Variants in LTBP1 observed in about 807,000 individuals in gnomAD.
LTBP1 encodes latent transforming growth factor beta binding protein 1.
In LTBP1, 129 loss-of-function variants were observed where a neutral mutation model predicts 207.6. That is an observed-to-expected ratio of 0.62 (90% confidence interval 0.54 to 0.72). The LOEUF (loss-of-function observed/expected upper bound fraction) is 0.72. LTBP1 is among the 30% of genes least tolerant of loss of function. The pLI is 0.00. For missense variants in LTBP1, 2,281 were observed against 2,217.2 expected (o/e 1.03, Z -0.58); for synonymous variants, 963 against 833.7 (o/e 1.16, Z -2.67).
intron 3 of LTBP1, among the ~76,000 whole-genome samples, chr2:33,046,842 A>G (rs1008327924): frequency 1.3e-5 from 2 of 152,030 alleles, no homozygotes; most frequent in African/African-American, 4.8e-5. Flanking sequence ...TAGTCTTGGG[A>G]GGGTGTATGT....
chr2:33,190,046 T>A (rs996196179), intron 7 of LTBP1, among the ~76,000 whole-genome samples: 4 of 151,898 alleles, frequency 2.6e-5, no homozygotes, highest in African/African-American at 7.3e-5. Context: ...GAAAAAAAAA[T>A]TCATAACTTG....
At chr2:33,119,472 A>G (rs886426902) in intron 4 of LTBP1, among the ~76,000 whole-genome samples, 1 of 152,220 alleles carries the variant, frequency 6.6e-6, no homozygotes, top group African/African-American at 2.4e-5. Context: ...TAGATTCCTT[A>G]TAGAAGAGTC....
chr2:33,326,121 A>G (rs996537378), intron 24 of LTBP1, among the ~76,000 whole-genome samples: 8 of 152,028 alleles, frequency 5.3e-5, no homozygotes, highest in Non-Finnish European at 1.5e-5. Flanking sequence ...AATATATACT[A>G]CTTTTCAGTC....
At chr2:33,398,258 G>C (rs957537762) in intron 33 of LTBP1, 106 bp from the exon 34 acceptor site, 17 of 973,664 alleles carry the variant, frequency 1.7e-5, no homozygotes, top group Non-Finnish European at 2.6e-5. Context: ...TGACGAGAAA[G>C]CTTCCTTGGG....
chr2:33,079,894 C>G (rs183061005), intron 3 of LTBP1, among the ~76,000 whole-genome samples: 11 of 152,202 alleles, frequency 7.2e-5, no homozygotes, highest in Admixed American at 1.3e-4. Context: ...CTTCTTTACT[C>G]CTTTTGACTT....
chr2:33,304,802 C>T (rs1254313548), intron 22 of LTBP1, among the ~76,000 whole-genome samples: 1 of 152,178 alleles, frequency 6.6e-6, no homozygotes, highest in Non-Finnish European at 1.5e-5. Flanking sequence ...GCCCTTTGCT[C>T]TTGGTCATTT....
chr2:32,978,201 C>G (rs1682127934), intron 2 of LTBP1, among the ~76,000 whole-genome samples: 1 of 152,046 alleles, frequency 6.6e-6, no homozygotes, highest in Non-Finnish European at 1.5e-5. Flanking sequence ...TTCGGATGCC[C>G]TTTATTTCTT....
At chr2:33,307,047 G>A (rs537823186) in intron 22 of LTBP1, among the ~76,000 whole-genome samples, 2 of 152,136 alleles carry the variant, frequency 1.3e-5, no homozygotes, top group African/African-American at 2.4e-5. Flanking sequence ...GAGATACACC[G>A]CTGCACTCCA....
intron 2 of LTBP1, among the ~76,000 whole-genome samples, chr2:32,952,714 C>T (rs1290409974): frequency 2.0e-5 from 3 of 152,118 alleles, no homozygotes; most frequent in Non-Finnish European, 2.9e-5. Context: ...TTTTTGCCCC[C>T]GTCTCAGGGT....
chr2:33,263,086 A>T (rs920960484), intron 14 of LTBP1, among the ~76,000 whole-genome samples: 1 of 151,956 alleles, frequency 6.6e-6, no homozygotes, highest in African/African-American at 2.4e-5. Context: ...TTATCATTTG[A>T]TGAACGATCA....
intron 3 of LTBP1, among the ~76,000 whole-genome samples, chr2:33,087,084 C>CTTTTTTTTTTGTTTTTTTTTTTT (rs2078804950): frequency 1.1e-5 from 1 of 89,026 alleles, no homozygotes; most frequent in Non-Finnish European, 2.1e-5. Flanking sequence ...CTCCTTTATG[C>CTTTTTTTTTTGTTTTTTTTTTTT]TTTTTTTTTT....
intron 9 of LTBP1, among the ~76,000 whole-genome samples, chr2:33,223,973 G>A (rs976394223): frequency 2.0e-5 from 3 of 152,120 alleles, no homozygotes; most frequent in African/African-American, 7.2e-5. Flanking sequence ...CAGGAAACTC[G>A]GTGTCGAGGG....
At chr2:33,196,479 G>A (rs977874614) in intron 7 of LTBP1, among the ~76,000 whole-genome samples, 1 of 152,030 alleles carries the variant, frequency 6.6e-6, no homozygotes, top group Admixed American at 6.6e-5. Flanking sequence ...TGAGGCCAAG[G>A]AAGAGAAATT....
At chr2:33,242,148 C>G (rs12623104) in intron 9 of LTBP1, among the ~76,000 whole-genome samples, 23,874 of 151,984 alleles carry the variant, frequency 0.16, 2,274 homozygotes, top group East Asian at 0.24. Flanking sequence ...GATCACGATG[C>G]CTACTTAGAA....
At chr2:33,071,890 G>A (rs761741405) in intron 3 of LTBP1, among the ~76,000 whole-genome samples, 6 of 152,150 alleles carry the variant, frequency 3.9e-5, no homozygotes, top group East Asian at 1.9e-4. Context: ...ATCTGACACC[G>A]GATGTGTGGG....
chr2:33,263,285 C>T lies in LTBP1; in HGVS notation c.2519-9C>T. 6.4e-7 allele frequency: 1 copy of T among 1,569,680 alleles called. No individual in the cohort carries two copies. The highest frequency in any genetic ancestry group is 1.7e-5 in the Admixed American group (1 of 59,746). ...TAATTTTCTTTTTATCCTCTGCTTC[C>T]TCATATAGTAGTGATTGAAAAAACA... On this transcript the variant is annotated splice_polypyrimidine_tract_variant and intron_variant, in intron 14 of 33. Coordinates refer to ENST00000404816, the MANE Select transcript of LTBP1 (RefSeq NM_206943.4).
chr2:32,981,986 TG>T (rs1427860361), intron 2 of LTBP1, among the ~76,000 whole-genome samples: 1 of 152,206 alleles, frequency 6.6e-6, no homozygotes, highest in Non-Finnish European at 1.5e-5. Flanking sequence ...AGTGGGGTGC[TG>T]CTCTAAAGAT....
chr2:33,240,431 G>A (rs1360788200), intron 9 of LTBP1, among the ~76,000 whole-genome samples: 3 of 152,122 alleles, frequency 2.0e-5, no homozygotes, highest in African/African-American at 7.2e-5. Flanking sequence ...TGTTCTTAAC[G>A]TGTTTGTGAG....
At chr2:33,090,236 C>T (rs1396847264) in intron 3 of LTBP1, among the ~76,000 whole-genome samples, 1 of 152,164 alleles carries the variant, frequency 6.6e-6, no homozygotes, top group Non-Finnish European at 1.5e-5. Context: ...GTGGGAAAGA[C>T]TTTGAAGATA....
Sources: gnomAD v4.1 joint callset for allele counts (sites outside exome capture counted in the v4.1 genomes callset) on GRCh38, gnomAD v4.1.1 for gene constraint, MANE v1.5 for transcripts, NCBI Gene and HGNC (gene_info 2026-07-23, HGNC 2026-07-21) for gene names.